The following ACMSD variants were observed in gnomAD, a reference collection of about 807,000 sequenced individuals.
ACMSD encodes the protein 2-amino-3-carboxymuconate-6-semialdehyde decarboxylase.
Under a neutral mutation model 45.9 loss-of-function variants are expected in ACMSD, and 37 were observed. The observed-to-expected ratio is 0.81, with a 90% CI of 0.62 to 1.06. The LOEUF is 1.06. Ranked by LOEUF, ACMSD falls within the 50% of genes least tolerant of loss-of-function variation. The probability of loss-of-function intolerance (pLI) is 0.00; values close to 1 mark genes in which losing one functional copy is unlikely to be tolerated. For synonymous variants in ACMSD, 138 were observed against 148.8 expected (o/e 0.93, Z 0.53); for missense variants, 434 against 420.9 (o/e 1.03, Z -0.27).
At chr2:134,841,568 G>A (rs1216016275) in intron 1 of ACMSD, among the ~76,000 whole-genome samples, 1 of 152,080 alleles carries the variant, frequency 6.6e-6, no homozygotes, top group Non-Finnish European at 1.5e-5. Flanking sequence ...TGATCAAATT[G>A]TTTCTGATGA....
chr2:134,895,324 T>C (rs570482291), intron 8 of ACMSD, among the ~76,000 whole-genome samples: 1 of 44,958 alleles, frequency 2.2e-5, no homozygotes, highest in African/African-American at 8.9e-5. Flanking sequence ...AAAATATATA[T>C]ATGTTATATA....
rs73962630 is a variant in ACMSD at position 134,881,448 on chromosome 2, G to A, written c.849+8807G>A. ...AAGCAGAGATATGATCTTGTCTTGGGCATTTGATCTGTGAGTAAGAAGATG... is the reference window on the plus strand; with the variant it reads ...AAGCAGAGATATGATCTTGTCTTGGACATTTGATCTGTGAGTAAGAAGATG... On this transcript the variant is annotated intron_variant, in intron 8 of 9. Transcript: ENST00000356140. Among the ~76,000 whole-genome samples the A allele has an allele frequency of 4.9e-3, 739 of 152,274 alleles. 8 individuals are homozygous for A. The highest frequency in any genetic ancestry group is 0.016 in the African/African-American group (673 of 41,530).
chr2:134,879,902 G>A (rs565237403), intron 8 of ACMSD, among the ~76,000 whole-genome samples: 3 of 152,032 alleles, frequency 2.0e-5, no homozygotes, highest in Admixed American at 2.0e-4. Context: ...CTCTTCATGA[G>A]GATATTCTCA....
intron 2 of ACMSD, among the ~76,000 whole-genome samples, chr2:134,854,929 T>C (rs1687510745): frequency 6.6e-6 from 1 of 152,240 alleles, no homozygotes; most frequent in South Asian, 2.1e-4. Context: ...GCAAAGACTG[T>C]GCTCTTTGGC....
intron 8 of ACMSD, among the ~76,000 whole-genome samples, chr2:134,883,798 C>T (rs1689174347): frequency 6.6e-6 from 1 of 152,004 alleles, no homozygotes; most frequent in Admixed American, 6.5e-5. Flanking sequence ...TACACCCAGC[C>T]AAAAAAGTAT....
intron 8 of ACMSD, among the ~76,000 whole-genome samples, chr2:134,890,486 TAAGAAA>T (rs1251511995): frequency 6.6e-6 from 1 of 152,060 alleles, no homozygotes; most frequent in African/African-American, 2.4e-5. Context: ...GATCTTCGAC[TAAGAAA>T]AATAATTAGC....
intron 5 of ACMSD, among the ~76,000 whole-genome samples, chr2:134,864,067 G>A (rs552091882): frequency 1.3e-5 from 2 of 151,966 alleles, no homozygotes; most frequent in Non-Finnish European, 2.9e-5. Context: ...CCAGAAGTTC[G>A]AGGCCAGCCT....
Position 134,901,987 on chromosome 2 carries a change from T to C in ACMSD, c.*127T>C. On this transcript the variant is annotated 3_prime_UTR_variant, in exon 10 of 10. Transcript: ENST00000356140. ...TCAGAAATGAATGTCCCAAATATCC[T>C]AAATTATTCATAATAAAAATGATTT... is the stretch of plus-strand genomic sequence containing the variant. 1 of 512,888 alleles carries C rather than the reference T, an allele frequency of 1.9e-6. No individual in the cohort carries two copies. Among genetic ancestry groups the C allele is most frequent in the Non-Finnish European group, 3.4e-6 (1 of 298,256 alleles). 31.8% of individuals were successfully genotyped at this position (512,888 alleles called of 1,614,324 possible). A position where few individuals can be genotyped will look rare whatever the true frequency, so the allele number is the denominator to read the frequency against.
chr2:134,883,243 G>T (rs138891547), intron 8 of ACMSD, among the ~76,000 whole-genome samples: 14 of 152,046 alleles, frequency 9.2e-5, no homozygotes, highest in African/African-American at 3.1e-4. Flanking sequence ...GATACCAAGG[G>T]AATAGGATCT....
chr2:134,900,145 C>G (rs970976554), intron 9 of ACMSD, among the ~76,000 whole-genome samples: 1 of 152,112 alleles, frequency 6.6e-6, no homozygotes, highest in African/African-American at 2.4e-5. Flanking sequence ...GTATAGCAGT[C>G]CCCCCTTATC....
At chr2:134,895,960 C>T (rs536958565) in intron 8 of ACMSD, among the ~76,000 whole-genome samples, 14 of 152,284 alleles carry the variant, frequency 9.2e-5, no homozygotes, top group African/African-American at 3.4e-4. Flanking sequence ...TACACAACTA[C>T]AGTAATCAAG....
At chr2:134,887,954 G>A (rs1281693487) in intron 8 of ACMSD, among the ~76,000 whole-genome samples, 1 of 152,100 alleles carries the variant, frequency 6.6e-6, no homozygotes, top group Non-Finnish European at 1.5e-5. Context: ...TCTTCAACCT[G>A]GAAGCAGGCA....
rs546841511 is a variant in ACMSD, at chr2:134,898,717, C to G, written c.948+278C>G. 3.3e-5 allele frequency among the ~76,000 whole-genome samples: 5 copies of G among 152,114 alleles called. No individual in the cohort carries two copies. The East Asian group carries it at 7.7e-4, about 23-fold the overall frequency. On this transcript the variant is annotated intron_variant, in intron 9 of 9. Transcript: ENST00000356140. The stretch of plus-strand genomic sequence containing the variant: ...AAATATGCCTGCATGTTAGATAGAT[C>G]ATAGGAAAAATGTCTAAATTTTTTC...
intron 9 of ACMSD, among the ~76,000 whole-genome samples, chr2:134,900,667 T>C (rs1473432758): frequency 1.3e-5 from 2 of 152,180 alleles, no homozygotes; most frequent in South Asian, 2.1e-4. Context: ...ACAGTATATA[T>C]AGGATTCTAT....
chr2:134,898,332 GT>G lies in ACMSD; in HGVS notation c.850-3del. The stretch of plus-strand genomic sequence containing the variant: ...AAAACAACAGAGAAATATATATTTT[GT>G]TTTTTAGGATAAAGTCATTTTGGGA... On this transcript the variant is annotated splice_polypyrimidine_tract_variant and splice_region_variant and intron_variant, in intron 8 of 9. Coordinates refer to ENST00000356140, the MANE Select transcript of ACMSD (RefSeq NM_138326.3). The G allele has an allele frequency of 1.3e-6, 2 of 1,559,000 alleles. No homozygotes were observed. The highest frequency in any genetic ancestry group is 2.0e-5 in the Admixed American group (1 of 49,606).
rs778274291 is a variant in ACMSD at position 134,884,219 on chromosome 2, T to G, written c.849+11578T>G. ...TAGTTACTAAATAATAATTCAACAT[T>G]GCCAAACTCTGAGTGTGATGTTCTG... On this transcript the variant is annotated intron_variant, in intron 8 of 9. Transcript: ENST00000356140. 7.9e-5 allele frequency among the ~76,000 whole-genome samples: 12 copies of G among 152,194 alleles called. No individual in the cohort carries two copies. The East Asian group carries it at 2.3e-3, about 29-fold the overall frequency.
At chr2:134,848,926 T>C (rs1476563874) in intron 2 of ACMSD, among the ~76,000 whole-genome samples, 3 of 152,190 alleles carry the variant, frequency 2.0e-5, no homozygotes, top group African/African-American at 7.2e-5. Flanking sequence ...TTCTTGTGTG[T>C]CCACTAAGTG....
At chr2:134,880,992 T>A (rs559175828) in intron 8 of ACMSD, among the ~76,000 whole-genome samples, 1 of 152,318 alleles carries the variant, frequency 6.6e-6, no homozygotes, top group African/African-American at 2.4e-5. Flanking sequence ...TCTATTCATA[T>A]GTTATTCACT....
chr2:134,848,692 T>C (rs1381138762), intron 2 of ACMSD, among the ~76,000 whole-genome samples: 2 of 152,234 alleles, frequency 1.3e-5, no homozygotes, highest in African/African-American at 2.4e-5. Flanking sequence ...GTCAGATGGA[T>C]AGATTGCAAA....
Sources: gnomAD v4.1 joint callset for allele counts (sites outside exome capture counted in the v4.1 genomes callset) on GRCh38, gnomAD v4.1.1 for gene constraint, MANE v1.5 for transcripts, NCBI Gene and HGNC (gene_info 2026-07-23, HGNC 2026-07-21) for gene names.